EBF2: variants seen among roughly 807,000 people sequenced by gnomAD.
The protein encoded by EBF2 is EBF transcription factor 2.
EBF2 carries 21 observed loss-of-function variants against 72.8 expected under a neutral mutation model. The observed-to-expected ratio is 0.29, with a 90% CI of 0.20 to 0.42. The LOEUF (loss-of-function observed/expected upper bound fraction) is 0.42, where lower values mean the gene tolerates loss of function less well. Ranked by LOEUF, EBF2 falls within the 10% of genes least tolerant of loss-of-function variation. EBF2 has a pLI of 1.00. For synonymous variants in EBF2, 299 were observed against 274.2 expected, an observed-to-expected ratio of 1.09 and a Z score of -0.89; for missense variants, 637 against 731.2, an observed-to-expected ratio of 0.87 and a Z score of 1.49.
chr8:25,852,797 AT>A (rs1802008859), intron 14 of EBF2, among the ~76,000 whole-genome samples: 1 of 152,246 alleles, frequency 6.6e-6, no homozygotes, highest in African/African-American at 2.4e-5. Context: ...GCTGAAAGGA[AT>A]TTTAATTTGT....
chr8:25,963,629 T>C (rs1473242682), intron 6 of EBF2, among the ~76,000 whole-genome samples: 2 of 152,138 alleles, frequency 1.3e-5, no homozygotes, highest in Non-Finnish European at 2.9e-5. Context: ...CTCTATTCAC[T>C]CCCATGTGCG....
At chr8:26,038,829 T>A (rs1020517807) in intron 5 of EBF2, among the ~76,000 whole-genome samples, 10 of 152,232 alleles carry the variant, frequency 6.6e-5, no homozygotes, top group African/African-American at 7.2e-5. Flanking sequence ...AAAACAAACA[T>A]GTCTGATTGT....
intron 6 of EBF2, among the ~76,000 whole-genome samples, chr8:25,971,933 CGGCCAGGGCCAGAT>C (rs1364920920): frequency 6.6e-6 from 1 of 152,052 alleles, no homozygotes; most frequent in Non-Finnish European, 1.5e-5. Flanking sequence ...GCGCCTCAGG[CGGCCAGGGCCAGAT>C]GGCCAGGGCG....
rs140425040 is a variant in EBF2, at chr8:25,855,473, C to T, written c.1528+2846G>A. On this transcript the variant is annotated intron_variant, in intron 14 of 15. Transcript: ENST00000520164. ...AAAGATGCGGGTTTCTGATACTCTA[C>T]GTTGGCTGTCATGCAAGTCAAACTT... 6.5e-3 allele frequency among the ~76,000 whole-genome samples: 987 copies of T among 152,316 alleles called. 14 individuals carry two copies. Among genetic ancestry groups the T allele is most frequent in the African/African-American group, 0.022 (935 of 41,566 alleles).
intron 6 of EBF2, among the ~76,000 whole-genome samples, chr8:26,008,007 G>A (rs138637562): frequency 7.6e-4 from 115 of 152,048 alleles, no homozygotes; most frequent in Admixed American, 4.3e-3. Flanking sequence ...CATTTGGGCC[G>A]TTCACAGAGG....
chr8:25,890,810 C>A (rs1802765350), intron 7 of EBF2, among the ~76,000 whole-genome samples: 1 of 152,180 alleles, frequency 6.6e-6, no homozygotes, highest in African/African-American at 2.4e-5. Flanking sequence ...TAAGTAAGTA[C>A]AGAATGCAAA....
chr8:25,997,704 T>C (rs1804657290), intron 6 of EBF2, among the ~76,000 whole-genome samples: 1 of 152,140 alleles, frequency 6.6e-6, no homozygotes, highest in South Asian at 2.1e-4. Context: ...TTAACTATAG[T>C]TTCAGTGCTA....
intron 6 of EBF2, among the ~76,000 whole-genome samples, chr8:25,934,753 A>T (rs1585200325): frequency 1.3e-5 from 2 of 152,212 alleles, no homozygotes; most frequent in East Asian, 3.9e-4. Context: ...GCCTTAGAGC[A>T]CACGTACGTT....
chr8:26,015,691 TTTC>T (rs1344823427), intron 6 of EBF2, among the ~76,000 whole-genome samples: 1 of 152,198 alleles, frequency 6.6e-6, no homozygotes, highest in African/African-American at 2.4e-5. Context: ...CAAAGGAGAT[TTTC>T]TTTTTAGCCT....
At chr8:25,881,126 C>T (rs1389456808) in intron 10 of EBF2, among the ~76,000 whole-genome samples, 1 of 152,214 alleles carries the variant, frequency 6.6e-6, no homozygotes, top group Admixed American at 6.5e-5. Flanking sequence ...CTCCCTGCAT[C>T]CAACCTGGCT....
intron 10 of EBF2, among the ~76,000 whole-genome samples, chr8:25,876,904 T>C (rs531911036): frequency 1.3e-5 from 2 of 152,338 alleles, no homozygotes; most frequent in Middle Eastern, 3.4e-3. Context: ...CCTTACGTGC[T>C]TAATAGATGA....
At chr8:26,025,616 G>A (rs899192567) in intron 6 of EBF2, among the ~76,000 whole-genome samples, 34 of 152,016 alleles carry the variant, frequency 2.2e-4, no homozygotes, top group African/African-American at 7.7e-4. Context: ...TCATTTTCTC[G>A]AACAAAATTT....
intron 7 of EBF2, among the ~76,000 whole-genome samples, chr8:25,893,861 A>G (rs1802823946): frequency 6.6e-6 from 1 of 152,196 alleles, no homozygotes; most frequent in African/African-American, 2.4e-5. Context: ...GATGCACTTC[A>G]TTATTTTCTA....
intron 6 of EBF2, among the ~76,000 whole-genome samples, chr8:25,995,631 G>A (rs1242400189): frequency 6.6e-6 from 1 of 152,182 alleles, no homozygotes; most frequent in Admixed American, 6.5e-5. Flanking sequence ...TTTATGGTAT[G>A]TAAACTACAC....
chr8:25,893,167 C>T (rs1268226011), intron 7 of EBF2, among the ~76,000 whole-genome samples: 1 of 151,450 alleles, frequency 6.6e-6, no homozygotes, highest in African/African-American at 2.4e-5. Context: ...TCAAACCACT[C>T]TTATAAATTG....
chr8:25,943,652 C>G (rs893572456), intron 6 of EBF2, among the ~76,000 whole-genome samples: 2 of 152,114 alleles, frequency 1.3e-5, no homozygotes, highest in Non-Finnish European at 2.9e-5. Context: ...TGCTTTAGTT[C>G]CAGGGACCTT....
At chr8:26,024,855 T>C (rs1026060309) in intron 6 of EBF2, among the ~76,000 whole-genome samples, 5 of 152,182 alleles carry the variant, frequency 3.3e-5, no homozygotes, top group Admixed American at 3.3e-4. Flanking sequence ...ATTAACACCA[T>C]CACACAGCTA....
chr8:25,956,810 T>C (rs536340639), intron 6 of EBF2, among the ~76,000 whole-genome samples: 3 of 152,306 alleles, frequency 2.0e-5, no homozygotes, highest in South Asian at 4.1e-4. Context: ...TATTCAGCGC[T>C]AACATTTAAA....
In EBF2 at chr8:26,042,106, C is replaced by T; in HGVS notation, c.277G>A (p.Glu93Lys). 1 of 1,613,994 alleles carries T rather than the reference C, an allele frequency of 6.2e-7. No homozygotes were observed. Among genetic ancestry groups the T allele is most frequent in the South Asian group, 1.1e-5 (1 of 91,068 alleles). Reference sequence around the variant, plus strand: ...TACTTTCCGCTTACTTTGTCATTCTCCACAAAGTCCACGAAGGCCGTCCGC... The same window carrying T: ...TACTTTCCGCTTACTTTGTCATTCTTCACAAAGTCCACGAAGGCCGTCCGC... ...IERTAFVDFV[E>K]NDKEQGNEKT... is the part of the protein sequence containing the mutation. Residue 93 changes from glutamate to lysine, a missense_variant, in exon 2 of 16, where the codon GAG becomes AAG. Glu to Lys is a moderately conservative substitution (Grantham distance 56). Coordinates refer to ENST00000520164, the MANE Select transcript of EBF2 (RefSeq NM_022659.4).
Sources: gnomAD v4.1 joint callset for allele counts (sites outside exome capture counted in the v4.1 genomes callset) on GRCh38, gnomAD v4.1.1 for gene constraint, MANE v1.5 for transcripts, NCBI Gene and HGNC (gene_info 2026-07-23, HGNC 2026-07-21) for gene names.